The following POLR3G variants were observed in gnomAD, a reference collection of about 807,000 sequenced individuals.
The protein encoded by POLR3G is DNA-directed RNA polymerase III subunit RPC7.
Under a neutral mutation model 30.1 loss-of-function variants are expected in POLR3G, and 28 were observed. That is an observed-to-expected ratio of 0.93 (90% CI 0.69 to 1.27). The LOEUF (loss-of-function observed/expected upper bound fraction) is 1.27. Ranked by LOEUF, POLR3G falls within the 50% of genes most tolerant of loss-of-function variation. POLR3G has a pLI of 0.00. For missense variants in POLR3G, 254 were observed against 264.6 expected (o/e 0.96, Z 0.28); for synonymous variants, 79 against 82.5 (o/e 0.96, Z 0.23).
At chr5:90,496,161 C>T (rs1008303691) in intron 4 of POLR3G, among the ~76,000 whole-genome samples, 7 of 151,736 alleles carry the variant, frequency 4.6e-5, no homozygotes, top group Non-Finnish European at 8.8e-5. Flanking sequence ...TTAGTAGAGA[C>T]GGAGTTTCAC....
At chr5:90,494,064 T>C (rs991363154) in intron 3 of POLR3G, among the ~76,000 whole-genome samples, 6 of 152,088 alleles carry the variant, frequency 3.9e-5, no homozygotes, top group African/African-American at 1.4e-4. Context: ...TTCTGTACCC[T>C]TTAGTAGTCA....
At chr5:90,499,368 G>A (rs1002186249) in intron 5 of POLR3G, among the ~76,000 whole-genome samples, 7 of 152,182 alleles carry the variant, frequency 4.6e-5, no homozygotes, top group African/African-American at 1.4e-4. Context: ...TATTTCGGAA[G>A]GTGGTCAACA....
In POLR3G at chr5:90,514,100, C is replaced by CCA. The variant is rs1752856395; in HGVS notation, c.*1962_*1963insAC. 6.6e-6 allele frequency: 1 copy of CCA among 152,166 alleles called. No homozygotes were observed. Among genetic ancestry groups the CCA allele is most frequent in the African/African-American group, 2.4e-5 (1 of 41,430 alleles). 9.4% of individuals were successfully genotyped at this position (152,166 alleles called of 1,614,324 possible). On this transcript the variant is annotated 3_prime_UTR_variant, in exon 8 of 8. Coordinates refer to ENST00000651687, the MANE Select transcript of POLR3G (RefSeq NM_006467.3). ...GGGCAAGGATTTACTCTGGGAGGTACCGTTAAGAGCCTTCTTTCCCCCTTT... is the reference window on the plus strand; with the variant it reads ...GGGCAAGGATTTACTCTGGGAGGTACCACGTTAAGAGCCTTCTTTCCCCCTTT...
At chr5:90,497,772 G>GA in intron 5 of POLR3G, 66 bp downstream of exon 5, 3 of 1,535,598 alleles carry the variant, frequency 2.0e-6, no homozygotes, top group Non-Finnish European at 1.8e-6. Context: ...TGTTAATATG[G>GA]ATTTGTCAAC....
rs998323137 is a variant in POLR3G at position 90,474,917 on chromosome 5, A to C, written c.-147A>C. ...TCGGTGCGCGCTTCTCCCGAGGTGG[A>C]ACGGGCGGCAGTCAAGCGCCGGCGT... On this transcript the variant is annotated 5_prime_UTR_variant, in exon 1 of 8. Transcript: ENST00000651687. 1 of 152,436 alleles carries C rather than the reference A, an allele frequency of 6.6e-6. No individual in the cohort carries two copies. The highest frequency in any genetic ancestry group is 1.5e-5 in the Non-Finnish European group (1 of 68,228). The allele number at this position is 152,436 out of a possible 1,614,324, so 9.4% of individuals were successfully genotyped here.
Position 90,502,801 on chromosome 5 carries a change from C to CTTT in POLR3G, c.438+815_438+816insTTT, listed in dbSNP as rs34374200. 7.0e-3 allele frequency among the ~76,000 whole-genome samples: 996 copies of CTTT among 142,192 alleles called. 37 individuals carry two copies. The highest frequency in any genetic ancestry group is 0.02 in the African/African-American group (786 of 38,466). The allele number at this position is 142,192 out of a possible 152,430, so 93.3% of individuals were successfully genotyped here. A position where few individuals can be genotyped will look rare whatever the true frequency, so the allele number is the denominator to read the frequency against. Reference sequence around the variant, plus strand: ...TAAGTCTGTGTAGAGTTACCTCATCCTTCTTTTTTTTTTTTTGGCTGCACT... The same window carrying CTTT: ...TAAGTCTGTGTAGAGTTACCTCATCCTTTTTCTTTTTTTTTTTTTGGCTGCACT... On this transcript the variant is annotated intron_variant, in intron 6 of 7. Coordinates refer to ENST00000651687, the MANE Select transcript of POLR3G (RefSeq NM_006467.3).
intron 6 of POLR3G, among the ~76,000 whole-genome samples, chr5:90,504,359 G>T (rs577636378): frequency 1.3e-4 from 20 of 152,006 alleles, no homozygotes; most frequent in African/African-American, 4.6e-4. Flanking sequence ...AGGAGATCGA[G>T]ACCATCCTGG....
intron 5 of POLR3G, among the ~76,000 whole-genome samples, chr5:90,501,418 C>T (rs1752240865): frequency 6.6e-6 from 1 of 152,086 alleles, no homozygotes; most frequent in African/African-American, 2.4e-5. Context: ...CCTAGAGGAT[C>T]ACAAATCTGT....
chr5:90,496,034 C>A (rs948397862), intron 4 of POLR3G, among the ~76,000 whole-genome samples: 3 of 152,000 alleles, frequency 2.0e-5, no homozygotes, highest in Non-Finnish European at 2.9e-5. Context: ...TGCAGTGGCA[C>A]GATATCGGCT....
At chr5:90,480,342 C>T (rs370776833) in intron 1 of POLR3G, among the ~76,000 whole-genome samples, 1 of 152,270 alleles carries the variant, frequency 6.6e-6, no homozygotes, top group East Asian at 1.9e-4. Flanking sequence ...TTATCAGCTC[C>T]TCTGTGTACA....
intron 5 of POLR3G, 124 bp from the exon 6 acceptor site, chr5:90,501,781 CT>C (rs1752254824): frequency 2.0e-6 from 2 of 1,001,518 alleles, no homozygotes; most frequent in South Asian, 3.8e-5. Flanking sequence ...AATTAATTTA[CT>C]CTGAAAACTA....
chr5:90,476,203 G>T (rs1378224253), intron 1 of POLR3G, among the ~76,000 whole-genome samples: 2 of 152,168 alleles, frequency 1.3e-5, no homozygotes, highest in African/African-American at 4.8e-5. Flanking sequence ...TAAAGTCTTT[G>T]GTGGGCATGC....
Position 90,488,011 on chromosome 5 carries a change from T to C in POLR3G, c.129T>C (p.Tyr43=), listed in dbSNP as rs752374259. The C allele has an allele frequency of 2.5e-6, 4 of 1,597,694 alleles. No individual in the cohort carries two copies. The highest frequency in any genetic ancestry group is 3.4e-6 in the Non-Finnish European group (4 of 1,174,186). Residue 43 remains tyrosine, a synonymous_variant, in exon 3 of 8, where the codon TAT becomes TAC. Transcript: ENST00000651687. ...CTTAATTTAAACAGGATACAGATTA[T>C]AAACCAGTGCCACTGAAAACAGGAG... The part of the protein sequence containing the change: ...KPPPLFPDTD[Y]KPVPLKTGEG...
chr5:90,498,690 A>T (rs1389985393), intron 5 of POLR3G, among the ~76,000 whole-genome samples: 1 of 152,264 alleles, frequency 6.6e-6, no homozygotes, highest in Admixed American at 6.5e-5. Flanking sequence ...AAAACATTTT[A>T]AAATTGGGAA....
intron 1 of POLR3G, among the ~76,000 whole-genome samples, chr5:90,483,636 C>T (rs1456667042): frequency 6.6e-6 from 1 of 151,854 alleles, no homozygotes; most frequent in African/African-American, 2.4e-5. Flanking sequence ...GAAACCCCGT[C>T]TCTACTAAAA....
At position 90,479,427 on chromosome 5, in the gene POLR3G, C is replaced by T. The variant is rs140625710; in HGVS notation, c.-44+4407C>T. Among the ~76,000 whole-genome samples, 484 of 152,186 alleles carry T rather than the reference C, an allele frequency of 3.2e-3. 5 individuals carry two copies. The highest frequency in any genetic ancestry group is 0.011 in the African/African-American group (450 of 41,530). ...GGCGGAGGTTGCAGTGAGCCGAGAT[C>T]GCACCAATGCACTCCAGCCTGGGCG... On this transcript the variant is annotated intron_variant, in intron 1 of 7. Coordinates refer to ENST00000651687, the MANE Select transcript of POLR3G (RefSeq NM_006467.3).
At chr5:90,498,029 G>A (rs2151910394) in intron 5 of POLR3G, among the ~76,000 whole-genome samples, 1 of 152,246 alleles carries the variant, frequency 6.6e-6, no homozygotes, top group South Asian at 2.1e-4. Context: ...AGGATCACTT[G>A]AGCCAAAGAG....
Position 90,485,632 on chromosome 5 carries a change from G to A in POLR3G, c.65G>A (p.Ser22Asn). The A allele has an allele frequency of 6.2e-7, 1 of 1,614,044 alleles. No individual in the cohort carries two copies. Among genetic ancestry groups the A allele is most frequent in the Non-Finnish European group, 8.5e-7 (1 of 1,179,978 alleles). ...TTTAATATTGAGGCTGTTGGATTTA[G>A]CAAAGGTGAAAAGTTACCTGATGTA... ...YTFNIEAVGF[S>N]KGEKLPDVVL... is the part of the protein sequence containing the mutation. Residue 22 changes from serine (S) to asparagine (N), a missense_variant, in exon 2 of 8, where the codon AGC (serine) becomes AAC (asparagine). By Grantham distance (46) the Ser-to-Asn change is conservative. Coordinates refer to ENST00000651687, the MANE Select transcript of POLR3G (RefSeq NM_006467.3).
In POLR3G at chr5:90,497,689, G is replaced by T. The variant is rs549458634; in HGVS notation, c.338G>T (p.Arg113Ile). The change falls in exon 5 of 8, where the codon AGA becomes ATA. Residue 113 changes from arginine (R) to isoleucine (I), a missense_variant. Physicochemically the swap from Arg to Ile is moderately conservative, Grantham distance 97. Transcript: ENST00000651687. ...AGACTTCCAAGAGAGATGATGCCAA[G>T]AAATAAATGTAAAAAAGGTACATTG... ...WRRLPREMMP[R>I]NKCKKAGPKP... 1.6e-5 allele frequency: 26 copies of T among 1,602,906 alleles called. No individual in the cohort carries two copies. The South Asian group carries it at 2.7e-4, about 17-fold the overall frequency.
Sources: allele counts gnomAD v4.1 joint callset (sites outside exome capture counted in the v4.1 genomes callset), GRCh38; gene constraint gnomAD v4.1.1; transcripts MANE v1.5; gene names NCBI Gene and HGNC (gene_info 2026-07-23, HGNC 2026-07-21).